Variants in ABCC4 observed in about 807,000 individuals in gnomAD.
ABCC4 encodes the protein ATP binding cassette subfamily C member 4 (PEL blood group).
In ABCC4, 102 loss-of-function variants were observed where a neutral mutation model predicts 168.5. The observed-to-expected ratio is 0.61, with a 90% CI of 0.52 to 0.71. The LOEUF (loss-of-function observed/expected upper bound fraction) is 0.71, where lower values mean the gene tolerates loss of function less well. ABCC4 is among the 30% of genes least tolerant of loss of function. The probability of loss-of-function intolerance (pLI) is 0.00; values close to 1 mark genes in which losing one functional copy is unlikely to be tolerated. For synonymous variants in ABCC4, 617 were observed against 590.7 expected, an observed-to-expected ratio of 1.04 and a Z score of -0.65; for missense variants, 1,402 against 1,605.8, an observed-to-expected ratio of 0.87 and a Z score of 2.17.
At chr13:95,191,164 A>T in intron 9 of ABCC4, among the ~76,000 whole-genome samples, 1 of 152,242 alleles carries the variant, frequency 6.6e-6, no homozygotes, top group Non-Finnish European at 1.5e-5. Flanking sequence ...TAAAATGCCC[A>T]AAAGACAGAA....
rs143846249 is a variant in ABCC4 at position 95,157,946 on chromosome 13, C to T, written c.2455+3243G>A. 6.4e-3 allele frequency among the ~76,000 whole-genome samples: 972 copies of T among 152,014 alleles called. 16 individuals carry two copies. The East Asian group carries it at 0.074, about 12-fold the overall frequency. ...AATTAGCCGGGCGTGGTGGTGGGTG[C>T]CTGTGGTCCCAGCTACTCTGGAGGC... On this transcript the variant is annotated intron_variant, in intron 19 of 30. Transcript: ENST00000645237.
chr13:95,071,599 C>T lies in ABCC4; in HGVS notation c.3210+63G>A, dbSNP rs138799382. On this transcript the variant is annotated intron_variant, in intron 25 of 30. Coordinates refer to ENST00000645237, the MANE Select transcript of ABCC4 (RefSeq NM_005845.5). ...CCCCTTCACACATCCACAAGGAAGA[C>T]AACAAGCAGACATAGCACTAAATCT... is the stretch of plus-strand genomic sequence containing the variant. The T allele has an allele frequency of 1.6e-4, 218 of 1,335,814 alleles. No individual in the cohort carries two copies. In the African/African-American group the frequency reaches 3.0e-3, roughly 18 times the overall value. The allele number at this position is 1,335,814 out of a possible 1,614,324, so 82.7% of individuals were successfully genotyped here.
intron 19 of ABCC4, among the ~76,000 whole-genome samples, chr13:95,125,303 G>T (rs532937692): frequency 3.3e-4 from 51 of 152,250 alleles, no homozygotes; most frequent in African/African-American, 1.2e-3. Flanking sequence ...TCCAGGCAGG[G>T]CTGACACAAA....
chr13:95,225,459 C>G (rs2039437456), intron 4 of ABCC4, among the ~76,000 whole-genome samples: 1 of 152,266 alleles, frequency 6.6e-6, no homozygotes, highest in Admixed American at 6.5e-5. Flanking sequence ...CACCTGAGGT[C>G]AGGAGTTCGA....
intron 16 of ABCC4, among the ~76,000 whole-genome samples, chr13:95,164,040 C>CAAAAAA (rs764381643): frequency 1.7e-4 from 13 of 74,554 alleles, no homozygotes; most frequent in South Asian, 4.8e-4. Flanking sequence ...AACTCCATCT[C>CAAAAAA]AAAAAAAAAA....
intron 30 of ABCC4, among the ~76,000 whole-genome samples, chr13:95,024,661 C>T (rs2031299930): frequency 6.6e-6 from 1 of 152,158 alleles, no homozygotes; most frequent in South Asian, 2.1e-4. Flanking sequence ...CTAATTCAAT[C>T]ACAGTAACTC....
In ABCC4 at chr13:95,163,103, C is replaced by T; in HGVS notation, c.2308+19G>A. The stretch of plus-strand genomic sequence containing the variant: ...GCACCTCAGCCTCTCATACAATACA[C>T]CAAATGATTAAACTTTACCTGAATA... On this transcript the variant is annotated intron_variant, in intron 18 of 30. Transcript: ENST00000645237. The T allele has an allele frequency of 6.4e-7, 1 of 1,573,284 alleles. No homozygotes were observed. Among genetic ancestry groups the T allele is most frequent in the Non-Finnish European group, 8.7e-7 (1 of 1,143,342 alleles).
At chr13:95,059,516 C>T (rs1163729372) in intron 26 of ABCC4, among the ~76,000 whole-genome samples, 2 of 152,122 alleles carry the variant, frequency 1.3e-5, no homozygotes, top group Non-Finnish European at 2.9e-5. Context: ...TAGAGGGGTA[C>T]TGAGAGTGGT....
chr13:95,207,737 C>T (rs2139676911), intron 7 of ABCC4, 63 bp downstream of exon 7: 1 of 1,539,548 alleles, frequency 6.5e-7, no homozygotes, highest in Non-Finnish European at 8.8e-7. Context: ...ACTTCTAAAA[C>T]CATCAACAAG....
At position 95,164,451 on chromosome 13, in the gene ABCC4, T is replaced by A. The variant is rs765515924; in HGVS notation, c.2102A>T (p.Tyr701Phe). The A allele has an allele frequency of 6.2e-7, 1 of 1,614,076 alleles. No homozygotes were observed. ...RSEGKVGFQA[Y>F]KNYFRAGAHW... is the part of the protein sequence containing the mutation. ...AGCACCAGCTCTGAAGTAATTCTTATAGGCCTGAAAACCAACTTTTCCTTC... is the reference window on the plus strand; with the variant it reads ...AGCACCAGCTCTGAAGTAATTCTTAAAGGCCTGAAAACCAACTTTTCCTTC... The change falls in exon 16 of 31, where the codon TAT becomes TTT. Residue 701 changes from tyrosine to phenylalanine, a missense_variant. This residue lies in a region of ABCC4 where 1,007 missense variants were observed against 1,127.3 expected (regional missense o/e 0.89). Coordinates refer to ENST00000645237, the MANE Select transcript of ABCC4 (RefSeq NM_005845.5).
In ABCC4 at chr13:95,153,656, A is replaced by G. The variant is rs550423910; in HGVS notation, c.2455+7533T>C. On this transcript the variant is annotated intron_variant, in intron 19 of 30. Coordinates refer to ENST00000645237, the MANE Select transcript of ABCC4 (RefSeq NM_005845.5). ...TTATCTTTTTAACATTTTATTGGAC[A>G]AACACAGTGCTTTCTCTGTTACTAA... Among the ~76,000 whole-genome samples the G allele has an allele frequency of 3.3e-5, 5 of 152,302 alleles. No homozygotes were observed. In the East Asian group the frequency reaches 7.7e-4, roughly 24 times the overall value.
At chr13:95,062,884 AT>A in intron 25 of ABCC4, 25 bp from the exon 26 acceptor site, 4 of 1,467,130 alleles carry the variant, frequency 2.7e-6, no homozygotes, top group Non-Finnish European at 3.6e-6. Context: ...AGGCGGCAGG[AT>A]TAAAAAAAAA....
intron 1 of ABCC4, among the ~76,000 whole-genome samples, chr13:95,300,118 C>T (rs553054953): frequency 1.3e-5 from 2 of 152,192 alleles, no homozygotes; most frequent in African/African-American, 4.8e-5. Flanking sequence ...GGGATACAGG[C>T]GTGAGCCACC....
intron 19 of ABCC4, among the ~76,000 whole-genome samples, chr13:95,120,884 A>T (rs2035547501): frequency 6.6e-6 from 1 of 152,178 alleles, no homozygotes; most frequent in Admixed American, 6.5e-5. Flanking sequence ...GAGCCTGGAG[A>T]CAGTTGCTGG....
intron 19 of ABCC4, among the ~76,000 whole-genome samples, chr13:95,152,618 A>T (rs1414879474): frequency 6.6e-6 from 1 of 152,238 alleles, no homozygotes; most frequent in Non-Finnish European, 1.5e-5. Flanking sequence ...ACTTGATAAA[A>T]GCAAAAATGT....
At chr13:95,255,361 C>T (rs927969272) in intron 1 of ABCC4, among the ~76,000 whole-genome samples, 82 of 152,336 alleles carry the variant, frequency 5.4e-4, no homozygotes, top group African/African-American at 1.9e-3. Flanking sequence ...GCCCGACACA[C>T]CTGATTTCTT....
chr13:95,273,823 T>G lies in ABCC4; in HGVS notation c.75-26070A>C, dbSNP rs1455494893. On this transcript the variant is annotated intron_variant, in intron 1 of 30. Transcript: ENST00000645237. ...GGGTTTTTTTTTTGGTTTGTTTTTTTTTTTTTTTTTTTGAGACGGAGTCTT... is the reference window on the plus strand; with the variant it reads ...GGGTTTTTTTTTTGGTTTGTTTTTTGTTTTTTTTTTTTGAGACGGAGTCTT... Among the ~76,000 whole-genome samples, 8 of 150,338 alleles carry G rather than the reference T, an allele frequency of 5.3e-5. No homozygotes were observed. The South Asian group carries it at 6.4e-4, about 12-fold the overall frequency.
At chr13:95,232,576 C>CCT (rs79308556) in intron 4 of ABCC4, among the ~76,000 whole-genome samples, 6,308 of 151,794 alleles carry the variant, frequency 0.042, 198 homozygotes, top group Admixed American at 0.075. Context: ...ACTCGGCAGG[C>CCT]TGAGGCAGAA....
intron 12 of ABCC4, 76 bp downstream of exon 12, chr13:95,177,921 A>G: frequency 2.0e-6 from 3 of 1,522,476 alleles, no homozygotes; most frequent in East Asian, 2.3e-5. Context: ...ATACACAGTA[A>G]GCAGGTCCTA....
Sources: allele counts gnomAD v4.1 joint callset (sites outside exome capture counted in the v4.1 genomes callset), GRCh38; gene constraint gnomAD v4.1.1; regional missense constraint gnomAD v4.1.1; transcripts MANE v1.5; gene names NCBI Gene and HGNC (gene_info 2026-07-23, HGNC 2026-07-21).